SCML2: variants seen among roughly 807,000 people sequenced by gnomAD.
SCML2 encodes the protein sex comb on midleg-like protein 2.
SCML2 carries 6 observed loss-of-function variants against 48.4 expected under a neutral mutation model. The observed-to-expected ratio is 0.12, with a 90% CI of 0.07 to 0.24. SCML2 has a LOEUF of 0.24. SCML2 is among the 10% of genes least tolerant of loss of function. The probability of loss-of-function intolerance (pLI) is 1.00; values close to 1 mark genes in which losing one functional copy is unlikely to be tolerated. For missense variants in SCML2, 377 were observed against 528.2 expected, an observed-to-expected ratio of 0.71 and a Z score of 2.81; for synonymous variants, 181 against 189.5, an observed-to-expected ratio of 0.95 and a Z score of 0.37.
At chrX:18,336,406 TC>T (rs1351720022) in intron 1 of SCML2, among the ~76,000 whole-genome samples, 1 of 93,406 alleles carries the variant, frequency 1.1e-5, no homozygotes, top group Non-Finnish European at 2.0e-5. Flanking sequence ...GCCACTGCAC[TC>T]CAGCCTGGCG....
At position 18,330,644 on chromosome X, in the gene SCML2, C is replaced by T; in HGVS notation, c.34G>A (p.Val12Ile). The T allele has an allele frequency of 8.6e-7, 1 of 1,157,327 alleles. No homozygotes were observed. The highest frequency in any genetic ancestry group is 2.3e-5 in the Admixed American group (1 of 42,920). Residue 12 changes from valine to isoleucine, a missense_variant, in exon 3 of 15, where the codon GTC (valine) becomes ATC (isoleucine). Val to Ile is a conservative substitution (Grantham distance 29). This residue lies in a region of SCML2 where 61 missense variants were observed against 59.9 expected (regional missense o/e 1.02). Coordinates refer to ENST00000251900, the MANE Select transcript of SCML2 (RefSeq NM_006089.3). The stretch of plus-strand genomic sequence containing the variant: ...GTTTTCTCTTGATTCTCCTTCTTGA[C>T]ATCCATGGAATCTAATAAAAAAGAA... ...GQTVNEDSMD[V>I]KKENQEKTPQ...
At chrX:18,306,640 C>T (rs1928766738) in intron 6 of SCML2, among the ~76,000 whole-genome samples, 1 of 111,418 alleles carries the variant, frequency 9.0e-6, no homozygotes, top group Non-Finnish European at 1.9e-5. Flanking sequence ...CACCCCAAAA[C>T]AGTAAATAAG....
At chrX:18,350,306 C>A (rs1234268021) in intron 1 of SCML2, among the ~76,000 whole-genome samples, 1 of 108,650 alleles carries the variant, frequency 9.2e-6, no homozygotes. Flanking sequence ...GATTCGGTGG[C>A]TCATGCCTGT....
At chrX:18,348,114 A>G (rs994500332) in intron 1 of SCML2, among the ~76,000 whole-genome samples, 4 of 112,238 alleles carry the variant, frequency 3.6e-5, no homozygotes, top group Non-Finnish European at 1.9e-5. Flanking sequence ...GGTTGCCAAA[A>G]TCCCAGTTTA....
rs772891599 is a variant in SCML2, at chrX:18,258,144, C to T, written c.1173G>A (p.Val391=). 3.3e-6 allele frequency: 4 copies of T among 1,209,585 alleles called. No individual in the cohort carries two copies. The Admixed American group carries it at 8.7e-5, about 26-fold the overall frequency. Residue 391 remains valine (V), a synonymous_variant, in exon 10 of 15, where the codon GTG becomes GTA. Coordinates refer to ENST00000251900, the MANE Select transcript of SCML2 (RefSeq NM_006089.3). ...DHFGPGPVNV[V]LRRIVQACVD... is the part of the protein sequence containing the mutation. ...CACAGGCCTGCACAATCCGGCGAAGCACCACATTCACCGGGCCCGGGCCGA... is the reference window on the plus strand; with the variant it reads ...CACAGGCCTGCACAATCCGGCGAAGTACCACATTCACCGGGCCCGGGCCGA...
At chrX:18,243,766 T>A (rs925521096) in intron 13 of SCML2, among the ~76,000 whole-genome samples, 1 of 112,071 alleles carries the variant, frequency 8.9e-6, no homozygotes, top group African/African-American at 3.2e-5. Context: ...TGTGATAAAA[T>A]CTGTGTCCTG....
chrX:18,244,822 G>A (rs1410353269), intron 13 of SCML2, among the ~76,000 whole-genome samples: 4 of 111,547 alleles, frequency 3.6e-5, no homozygotes, highest in Admixed American at 9.6e-5. Context: ...ATGGGACAAG[G>A]CAGGACAGGA....
At chrX:18,264,431 TTGTGTGTGTGTG>T (rs149069692) in intron 8 of SCML2, among the ~76,000 whole-genome samples, 14,939 of 83,670 alleles carry the variant, frequency 0.18, 1,056 homozygotes, top group Middle Eastern at 0.29. Context: ...ATCAGTACGA[TTGTGTGTGTGTG>T]TGTGTGTGTG....
At chrX:18,258,559 A>G (rs1049239007) in intron 9 of SCML2, among the ~76,000 whole-genome samples, 2 of 111,460 alleles carry the variant, frequency 1.8e-5, no homozygotes, top group Non-Finnish European at 3.8e-5. Flanking sequence ...ATACATTCCC[A>G]CATTATATAA....
intron 11 of SCML2, among the ~76,000 whole-genome samples, chrX:18,250,507 G>A (rs1020111764): frequency 1.3e-4 from 14 of 108,333 alleles, no homozygotes; most frequent in Non-Finnish European, 2.7e-4. Flanking sequence ...TCAGCCTCCC[G>A]AGTAGCTGGG....
chrX:18,338,340 A>G (rs950379695), intron 1 of SCML2, among the ~76,000 whole-genome samples: 21 of 106,741 alleles, frequency 2.0e-4, no homozygotes, highest in South Asian at 8.8e-4. Flanking sequence ...GGTACTCGGG[A>G]GGCTGATGCA....
chrX:18,291,752 A>G (rs1394322047), intron 7 of SCML2, among the ~76,000 whole-genome samples: 1 of 111,799 alleles, frequency 8.9e-6, no homozygotes, highest in African/African-American at 3.2e-5. Context: ...GTTTAAAAAA[A>G]AAGAATAGAA....
intron 7 of SCML2, among the ~76,000 whole-genome samples, chrX:18,299,756 G>C (rs1928521008): frequency 9.7e-6 from 1 of 103,142 alleles, no homozygotes; most frequent in Admixed American, 1.1e-4. Context: ...TTTTTAAATA[G>C]AGACAAGGTC....
At position 18,258,266 on chromosome X, in the gene SCML2, T is replaced by C. The variant is rs754522718; in HGVS notation, c.1070-19A>G. On this transcript the variant is annotated intron_variant, in intron 9 of 14. Coordinates refer to ENST00000251900, the MANE Select transcript of SCML2 (RefSeq NM_006089.3). ...ACACAGACTTGAGAAAAAATGCGTATGCATACATAACAATGAGACTGATTA... is the reference window on the plus strand; with the variant it reads ...ACACAGACTTGAGAAAAAATGCGTACGCATACATAACAATGAGACTGATTA... 1 of 1,158,343 alleles carries C rather than the reference T, an allele frequency of 8.6e-7. No individual in the cohort carries two copies. The highest frequency in any genetic ancestry group is 1.2e-6 in the Non-Finnish European group (1 of 848,404).
intron 1 of SCML2, among the ~76,000 whole-genome samples, chrX:18,343,923 TA>T (rs1203495780): frequency 0.053 from 2,844 of 53,265 alleles, 43 homozygotes; most frequent in Middle Eastern, 0.12. Flanking sequence ...TGCCTCTATT[TA>T]AAAAAAAAAA....
At chrX:18,276,187 G>A (rs1294147209) in intron 7 of SCML2, among the ~76,000 whole-genome samples, 1 of 110,529 alleles carries the variant, frequency 9.0e-6, no homozygotes, top group African/African-American at 3.3e-5. Context: ...TCCGCTACTC[G>A]GGAGCATGAG....
chrX:18,346,234 T>C (rs1234785727), intron 1 of SCML2, among the ~76,000 whole-genome samples: 1 of 111,016 alleles, frequency 9.0e-6, no homozygotes, highest in Non-Finnish European at 1.9e-5. Flanking sequence ...CAGAAGTTGA[T>C]TGGCCTTTTT....
intron 11 of SCML2, among the ~76,000 whole-genome samples, chrX:18,250,426 G>A (rs1234042574): frequency 9.3e-6 from 1 of 108,055 alleles, no homozygotes; most frequent in Non-Finnish European, 1.9e-5. Flanking sequence ...CTGTCACCCA[G>A]GCTGGAGTGC....
At chrX:18,299,991 C>T (rs1928531389) in intron 7 of SCML2, among the ~76,000 whole-genome samples, 1 of 110,926 alleles carries the variant, frequency 9.0e-6, no homozygotes, top group African/African-American at 3.3e-5. Flanking sequence ...CCTCCCACCT[C>T]GGCCTCCCAA....
Sources: gnomAD v4.1 joint callset for allele counts (sites outside exome capture counted in the v4.1 genomes callset) on GRCh38, gnomAD v4.1.1 for gene constraint, gnomAD v4.1.1 regional missense constraint, MANE v1.5 for transcripts, NCBI Gene and HGNC (gene_info 2026-07-23, HGNC 2026-07-21) for gene names.